SLC5A12: variants seen among roughly 807,000 people sequenced by gnomAD.
The protein encoded by SLC5A12 is sodium-coupled monocarboxylate transporter 2.
In SLC5A12, 46 loss-of-function variants were observed where a neutral mutation model predicts 72.7. The ratio of observed to expected loss-of-function variants is 0.63; its 90% CI spans 0.50 to 0.81. The LOEUF is 0.81. Ranked by LOEUF, SLC5A12 falls within the 30% of genes least tolerant of loss-of-function variation. SLC5A12 has a pLI of 0.00. For synonymous variants in SLC5A12, 275 were observed against 264.4 expected, an observed-to-expected ratio of 1.04 and a Z score of -0.39; for missense variants, 683 against 740.7, an observed-to-expected ratio of 0.92 and a Z score of 0.90.
intron 9 of SLC5A12, among the ~76,000 whole-genome samples, chr11:26,687,187 G>A (rs1334023478): frequency 1.3e-5 from 2 of 152,022 alleles, no homozygotes; most frequent in Non-Finnish European, 2.9e-5. Context: ...TATGTATTTT[G>A]TCATCTTTTA....
In SLC5A12 at chr11:26,681,196, C is replaced by A; in HGVS notation, c.1334G>T (p.Gly445Val). ...WKGALGGLLT[G>V]ITLSFWVAIG... ...GGCCACCCAAAATGACAAGGTGATT[C>A]CAGTAAGAAGACCTCCTAGTGCACC... Residue 445 changes from glycine (G) to valine (V), a missense_variant, in exon 12 of 15, where the codon GGA becomes GTA. Gly to Val is a moderately radical substitution (Grantham distance 109). Transcript: ENST00000396005. The A allele has an allele frequency of 6.2e-7, 1 of 1,604,404 alleles. No individual in the cohort carries two copies.
At chr11:26,680,698 A>G (rs1360434168) in intron 12 of SLC5A12, among the ~76,000 whole-genome samples, 1 of 152,046 alleles carries the variant, frequency 6.6e-6, no homozygotes, top group Non-Finnish European at 1.5e-5. Context: ...CAGCTTGCCC[A>G]TAAGCATTAT....
At chr11:26,708,008 A>T (rs925688015) in intron 4 of SLC5A12, among the ~76,000 whole-genome samples, 7 of 151,984 alleles carry the variant, frequency 4.6e-5, no homozygotes, top group Admixed American at 4.6e-4. Flanking sequence ...TCACTGACCC[A>T]AATTTCAATA....
intron 12 of SLC5A12, among the ~76,000 whole-genome samples, chr11:26,679,068 T>C (rs1374362340): frequency 6.6e-6 from 1 of 152,170 alleles, no homozygotes; most frequent in Non-Finnish European, 1.5e-5. Context: ...TTAATACAAA[T>C]AATACAATTT....
chr11:26,669,138 T>C lies in SLC5A12; in HGVS notation c.*1964A>G, dbSNP rs1031727179. 8.6e-5 allele frequency: 13 copies of C among 151,608 alleles called. No homozygotes were observed. Among genetic ancestry groups the C allele is most frequent in the African/African-American group, 2.9e-4 (12 of 41,230 alleles). 9.4% of individuals were successfully genotyped at this position (151,608 alleles called of 1,614,324 possible). ...CCTCAGAATTGCTGTTTTTTTATTC[T>C]TTCTGTCTCTCTCTTCCTCTTCCTG... is the stretch of plus-strand genomic sequence containing the variant. On this transcript the variant is annotated 3_prime_UTR_variant, in exon 15 of 15. Transcript: ENST00000396005.
intron 6 of SLC5A12, 110 bp downstream of exon 6, chr11:26,703,417 CACAT>C (rs923389022): frequency 1.4e-6 from 1 of 720,902 alleles, no homozygotes; most frequent in African/African-American, 1.9e-5. Context: ...CTCTTACACA[CACAT>C]ACATACACAC....
intron 2 of SLC5A12, among the ~76,000 whole-genome samples, chr11:26,711,890 C>A (rs1231744306): frequency 6.6e-6 from 1 of 152,012 alleles, no homozygotes; most frequent in African/African-American, 2.4e-5. Flanking sequence ...CAACCACTAC[C>A]CTGCTGGAAA....
At chr11:26,708,428 T>G (rs2133205559) in intron 4 of SLC5A12, among the ~76,000 whole-genome samples, 1 of 152,164 alleles carries the variant, frequency 6.6e-6, no homozygotes, top group Non-Finnish European at 1.5e-5. Flanking sequence ...AATAATGGGA[T>G]TTGCAAGTAT....
intron 11 of SLC5A12, among the ~76,000 whole-genome samples, chr11:26,682,154 G>A (rs546802007): frequency 3.4e-4 from 52 of 151,908 alleles, no homozygotes; most frequent in African/African-American, 1.2e-3. Context: ...CCAAGCAGAA[G>A]AGCCTGGCTG....
chr11:26,709,728 A>C (rs541452502), intron 3 of SLC5A12, among the ~76,000 whole-genome samples: 6 of 152,086 alleles, frequency 3.9e-5, no homozygotes, highest in Non-Finnish European at 7.4e-5. Flanking sequence ...AGCCATGAGC[A>C]GGGATATAAA....
At chr11:26,671,461 A>G (rs945564871) in intron 14 of SLC5A12, among the ~76,000 whole-genome samples, 1 of 152,136 alleles carries the variant, frequency 6.6e-6, no homozygotes, top group African/African-American at 2.4e-5. Flanking sequence ...CAAAAAGAAC[A>G]ATTTATTGAG....
intron 8 of SLC5A12, among the ~76,000 whole-genome samples, chr11:26,692,933 TCAGGTTGGAGTGGAGGCAGA>T (rs1457597721): frequency 1.3e-5 from 2 of 152,164 alleles, no homozygotes; most frequent in East Asian, 3.9e-4. Context: ...ATGTGTGTGT[TCAGGTTGGAGTGGAGGCAGA>T]AAGTAGTGAC....
At chr11:26,695,447 T>C (rs972327500) in intron 8 of SLC5A12, among the ~76,000 whole-genome samples, 1 of 152,174 alleles carries the variant, frequency 6.6e-6, no homozygotes, top group African/African-American at 2.4e-5. Flanking sequence ...TAATATTTAC[T>C]AAAACCATAA....
intron 3 of SLC5A12, 152 bp downstream of exon 3, chr11:26,711,155 T>C (rs1855217346): frequency 3.1e-6 from 2 of 635,192 alleles, no homozygotes; most frequent in African/African-American, 3.7e-5. Context: ...TTAATCAATA[T>C]TTAGAGCTTT....
chr11:26,680,951 G>T, intron 12 of SLC5A12, 104 bp downstream of exon 12: 1 of 1,103,216 alleles, frequency 9.1e-7, no homozygotes, highest in South Asian at 2.7e-5. Flanking sequence ...AGTCTCATAA[G>T]AGAACAAGAT....
intron 12 of SLC5A12, among the ~76,000 whole-genome samples, chr11:26,679,955 C>G (rs1854353103): frequency 6.6e-6 from 1 of 151,800 alleles, no homozygotes; most frequent in Admixed American, 6.6e-5. Flanking sequence ...ATAAAAAATA[C>G]AAATAAGATA....
At chr11:26,692,637 T>C (rs761219019) in intron 8 of SLC5A12, 36 bp from the exon 9 acceptor site, 6 of 1,493,142 alleles carry the variant, frequency 4.0e-6, no homozygotes, top group Admixed American at 1.7e-5. Flanking sequence ...TGGTCTAAGC[T>C]ATATAAGGCG....
At chr11:26,708,743 A>G (rs1247866930) in intron 4 of SLC5A12, among the ~76,000 whole-genome samples, 1 of 152,054 alleles carries the variant, frequency 6.6e-6, no homozygotes, top group Non-Finnish European at 1.5e-5. Context: ...TAATTGTATT[A>G]ATTACATAAA....
At chr11:26,703,419 CATACAT>C in intron 6 of SLC5A12, 106 bp downstream of exon 6, 1 of 1,114,080 alleles carries the variant, frequency 9.0e-7, no homozygotes, top group Non-Finnish European at 1.3e-6. Context: ...CTTACACACA[CATACAT>C]ACACACACAC....
Sources: allele counts gnomAD v4.1 joint callset (sites outside exome capture counted in the v4.1 genomes callset), GRCh38; gene constraint gnomAD v4.1.1; transcripts MANE v1.5; gene names NCBI Gene and HGNC (gene_info 2026-07-23, HGNC 2026-07-21).